The following RASAL2 variants were observed in gnomAD, a reference collection of about 807,000 sequenced individuals.
The protein encoded by RASAL2 is ras GTPase-activating protein nGAP.
RASAL2 carries 58 observed loss-of-function variants against 128.9 expected under a neutral mutation model. That is an observed-to-expected ratio of 0.45 (90% CI 0.36 to 0.56). The LOEUF (loss-of-function observed/expected upper bound fraction) is 0.56, where lower values mean the gene tolerates loss of function less well. RASAL2 is among the 20% of genes least tolerant of loss of function. The pLI is 0.00. For synonymous variants in RASAL2, 561 were observed against 580.8 expected, an observed-to-expected ratio of 0.97 and a Z score of 0.49; for missense variants, 1,360 against 1,601.6, an observed-to-expected ratio of 0.85 and a Z score of 2.57.
At chr1:178,287,693 G>A (rs1667095953) in intron 2 of RASAL2, among the ~76,000 whole-genome samples, 1 of 152,138 alleles carries the variant, frequency 6.6e-6, no homozygotes, top group Admixed American at 6.6e-5. Context: ...AGCATTTGAA[G>A]CAAACTGGAA....
intron 1 of RASAL2, among the ~76,000 whole-genome samples, chr1:178,105,062 T>C (rs1308386265): frequency 1.3e-5 from 2 of 152,244 alleles, no homozygotes; most frequent in African/African-American, 4.8e-5. Context: ...CATTTAGTTT[T>C]ACCTGGATGA....
chr1:178,285,439 G>A (rs1250895730), intron 2 of RASAL2, among the ~76,000 whole-genome samples: 1 of 152,112 alleles, frequency 6.6e-6, no homozygotes, highest in African/African-American at 2.4e-5. Context: ...ACTTCCAAGA[G>A]GCTTGTTAAT....
intron 5 of RASAL2, among the ~76,000 whole-genome samples, chr1:178,437,991 T>A (rs927324761): frequency 1.3e-5 from 2 of 152,026 alleles, no homozygotes; most frequent in Non-Finnish European, 1.5e-5. Flanking sequence ...CATTTGTCCC[T>A]TTTGTGCATA....
chr1:178,298,941 C>T (rs1277081001), intron 2 of RASAL2, among the ~76,000 whole-genome samples: 1 of 151,446 alleles, frequency 6.6e-6, no homozygotes, highest in African/African-American at 2.4e-5. Flanking sequence ...CAAAAAAAAC[C>T]CACAACTTTG....
chr1:178,437,107 A>C (rs1676301687), intron 5 of RASAL2, among the ~76,000 whole-genome samples: 1 of 152,126 alleles, frequency 6.6e-6, no homozygotes, highest in African/African-American at 2.4e-5. Flanking sequence ...CCATGGCAAC[A>C]GACCCAGCCT....
Position 178,443,151 on chromosome 1 carries a change from G to C in RASAL2, c.1404G>C (p.Glu468Asp), listed in dbSNP as rs1006283108. The stretch of plus-strand genomic sequence containing the variant: ...ACACCATGCTGTGTTCTGTCCTTGA[G>C]CCAGTAATTAGTGTGAGAAATAAAG... ...SNYTMLCSVLEPVISVRNKEE... is the reference protein window; with the variant it reads ...SNYTMLCSVLDPVISVRNKEE... The change falls in exon 8 of 18, where the codon GAG (glutamate) becomes GAC (aspartate). Residue 468 changes from glutamate (E) to aspartate (D), a missense_variant. By Grantham distance (45) the Glu-to-Asp change is conservative. Transcript: ENST00000367649. The C allele has an allele frequency of 6.2e-7, 1 of 1,613,700 alleles. No individual in the cohort carries two copies. The highest frequency in any genetic ancestry group is 1.3e-5 in the African/African-American group (1 of 74,906).
At chr1:178,327,730 G>A (rs1439334230) in intron 3 of RASAL2, among the ~76,000 whole-genome samples, 2 of 152,098 alleles carry the variant, frequency 1.3e-5, no homozygotes, top group Non-Finnish European at 2.9e-5. Flanking sequence ...AAACAGTATA[G>A]AAATGGCCAG....
rs533477056 is a variant in RASAL2 at position 178,347,545 on chromosome 1, T to A, written c.458-42555T>A. ...CAAAAGAGGTAATCCAGATGACCAT[T>A]TAGTATATAACAAGGTGTGCAGCTA... On this transcript the variant is annotated intron_variant, in intron 3 of 17. Transcript: ENST00000367649. Among the ~76,000 whole-genome samples, 3 of 152,234 alleles carry A rather than the reference T, an allele frequency of 2.0e-5. No individual in the cohort carries two copies. In the South Asian group the frequency reaches 6.2e-4, roughly 32 times the overall value.
intron 1 of RASAL2, among the ~76,000 whole-genome samples, chr1:178,147,416 G>A (rs1425201967): frequency 2.6e-5 from 4 of 151,206 alleles, no homozygotes; most frequent in East Asian, 1.9e-4. Context: ...CTTGAGCCCC[G>A]GAGGTGGAGG....
chr1:178,279,510 T>G (rs7546764), intron 1 of RASAL2, among the ~76,000 whole-genome samples: 143,646 of 152,124 alleles, frequency 0.94, 67,924 homozygotes, highest in East Asian at 1. Context: ...AGTATTGCCA[T>G]ATTTTCTTAG....
intron 3 of RASAL2, among the ~76,000 whole-genome samples, chr1:178,323,001 C>G (rs1668866839): frequency 6.6e-6 from 1 of 152,166 alleles, no homozygotes; most frequent in South Asian, 2.1e-4. Flanking sequence ...CTCTGTTTTT[C>G]CACCTTCATT....
intron 1 of RASAL2, among the ~76,000 whole-genome samples, chr1:178,106,095 ACT>A (rs1158096090): frequency 2.6e-5 from 4 of 151,930 alleles, no homozygotes; most frequent in African/African-American, 7.3e-5. Context: ...TTAATCTATA[ACT>A]CTGTTGCTCT....
intron 4 of RASAL2, among the ~76,000 whole-genome samples, chr1:178,406,758 T>C (rs1396181387): frequency 8.6e-5 from 13 of 151,970 alleles, no homozygotes; most frequent in Non-Finnish European, 4.4e-5. Context: ...CTCTAGCAGA[T>C]CTTAACATGT....
intron 3 of RASAL2, among the ~76,000 whole-genome samples, chr1:178,342,171 C>T (rs1669915965): frequency 6.6e-6 from 1 of 152,092 alleles, no homozygotes; most frequent in South Asian, 2.1e-4. Flanking sequence ...TATCCTCTGC[C>T]AAGATGACAG....
At chr1:178,381,295 T>C (rs1004366649) in intron 3 of RASAL2, among the ~76,000 whole-genome samples, 4 of 152,114 alleles carry the variant, frequency 2.6e-5, no homozygotes, top group South Asian at 2.1e-4. Context: ...GTAAGAGCAG[T>C]TAGGTGCTTC....
intron 1 of RASAL2, among the ~76,000 whole-genome samples, chr1:178,153,439 A>T (rs1660978605): frequency 6.6e-6 from 1 of 152,214 alleles, no homozygotes; most frequent in African/African-American, 2.4e-5. Flanking sequence ...TACTCTAAAA[A>T]TAAACTTTGT....
intron 1 of RASAL2, among the ~76,000 whole-genome samples, chr1:178,249,178 A>G (rs778644540): frequency 6.6e-5 from 10 of 152,036 alleles, no homozygotes; most frequent in South Asian, 2.1e-4. Context: ...AGGGACCCCA[A>G]TCAAGCATAG....
intron 1 of RASAL2, among the ~76,000 whole-genome samples, chr1:178,159,456 C>T (rs1237093635): frequency 6.6e-6 from 1 of 152,084 alleles, no homozygotes; most frequent in African/African-American, 2.4e-5. Flanking sequence ...CTGCATACAG[C>T]GTAGCAGTTT....
intron 13 of RASAL2, 124 bp from the exon 14 acceptor site, chr1:178,457,559 G>A (rs1677861871): frequency 1.0e-6 from 1 of 994,954 alleles, no homozygotes; most frequent in East Asian, 2.6e-5. Flanking sequence ...TAAAATCTGA[G>A]TTTCCAAAGA....
Sources: allele counts gnomAD v4.1 joint callset (sites outside exome capture counted in the v4.1 genomes callset), GRCh38; gene constraint gnomAD v4.1.1; transcripts MANE v1.5; gene names NCBI Gene and HGNC (gene_info 2026-07-23, HGNC 2026-07-21).